The following PLXDC2 variants were observed in gnomAD, a reference collection of about 807,000 sequenced individuals.
PLXDC2 encodes plexin domain-containing protein 2.
PLXDC2 carries 40 observed loss-of-function variants against 68.9 expected under a neutral mutation model. The observed-to-expected ratio is 0.58, with a 90% CI of 0.45 to 0.76. PLXDC2 has a LOEUF of 0.76. Ranked by LOEUF, PLXDC2 falls within the 30% of genes least tolerant of loss-of-function variation. PLXDC2 has a pLI of 0.00. For synonymous variants in PLXDC2, 243 were observed against 234.2 expected (o/e 1.04, Z -0.34); for missense variants, 644 against 661.9 (o/e 0.97, Z 0.30).
rs576392930 is a variant in PLXDC2 at position 20,184,349 on chromosome 10, A to G, written c.1061+6940A>G. On this transcript the variant is annotated intron_variant, in intron 9 of 13. Coordinates refer to ENST00000377252, the MANE Select transcript of PLXDC2 (RefSeq NM_032812.9). ...GTTTTATGTGTATATAAAACATAAT[A>G]TATAAAAATTATATGTAATATATAA... 2.7e-5 allele frequency among the ~76,000 whole-genome samples: 4 copies of G among 148,344 alleles called. No individual in the cohort carries two copies. In the Admixed American group the frequency reaches 2.7e-4, roughly 10 times the overall value.
chr10:19,978,891 A>G (rs958720748), intron 1 of PLXDC2, among the ~76,000 whole-genome samples: 1 of 152,222 alleles, frequency 6.6e-6, no homozygotes, highest in Non-Finnish European at 1.5e-5. Context: ...GTAAGTTCTC[A>G]TAATTATTAT....
intron 2 of PLXDC2, among the ~76,000 whole-genome samples, chr10:20,040,767 C>A (rs1338797402): frequency 1.3e-5 from 2 of 152,084 alleles, no homozygotes; most frequent in African/African-American, 4.8e-5. Flanking sequence ...TTATGAACCT[C>A]ATGATTCTTC....
At chr10:20,217,085 C>CTTTGT (rs1564356971) in intron 10 of PLXDC2, among the ~76,000 whole-genome samples, 4 of 151,962 alleles carry the variant, frequency 2.6e-5, no homozygotes, top group Non-Finnish European at 4.4e-5. Context: ...ACCTGTTTTT[C>CTTTGT]TTCTAGTATA....
chr10:20,227,950 A>T (rs1392119848), intron 12 of PLXDC2, among the ~76,000 whole-genome samples: 1 of 152,180 alleles, frequency 6.6e-6, no homozygotes, highest in African/African-American at 2.4e-5. Flanking sequence ...AAGCTACATG[A>T]GCTAATATTT....
At chr10:20,260,442 T>C (rs939296060) in intron 13 of PLXDC2, among the ~76,000 whole-genome samples, 1 of 152,228 alleles carries the variant, frequency 6.6e-6, no homozygotes, top group African/African-American at 2.4e-5. Flanking sequence ...ATAGACATCA[T>C]GCAGTATCTT....
intron 4 of PLXDC2, among the ~76,000 whole-genome samples, chr10:20,069,242 C>A (rs76023980): frequency 0.018 from 2,747 of 152,176 alleles, 90 homozygotes; most frequent in African/African-American, 0.063. Flanking sequence ...CAACAAGTAA[C>A]TGGAAGTTTT....
At chr10:19,817,866 G>A (rs985060086) in intron 1 of PLXDC2, among the ~76,000 whole-genome samples, 1 of 152,202 alleles carries the variant, frequency 6.6e-6, no homozygotes, top group Non-Finnish European at 1.5e-5. Flanking sequence ...CGCGCAGAGA[G>A]TTCCTTGGAG....
intron 1 of PLXDC2, among the ~76,000 whole-genome samples, chr10:19,993,742 G>T (rs952787783): frequency 2.6e-5 from 4 of 152,142 alleles, no homozygotes; most frequent in African/African-American, 9.7e-5. Flanking sequence ...TGGATTGAGT[G>T]CCTGTTTAAT....
At chr10:20,193,843 T>A (rs1834801990) in intron 9 of PLXDC2, among the ~76,000 whole-genome samples, 1 of 152,108 alleles carries the variant, frequency 6.6e-6, no homozygotes, top group African/African-American at 2.4e-5. Flanking sequence ...ATGAGCTGCA[T>A]AACAGTCTAA....
chr10:20,266,203 A>G (rs2119373046), intron 13 of PLXDC2, among the ~76,000 whole-genome samples: 1 of 152,326 alleles, frequency 6.6e-6, no homozygotes, highest in African/African-American at 2.4e-5. Context: ...ACATAATGAC[A>G]TTTGAATATT....
At chr10:20,063,752 G>A (rs1233692099) in intron 3 of PLXDC2, among the ~76,000 whole-genome samples, 1 of 152,036 alleles carries the variant, frequency 6.6e-6, no homozygotes, top group Admixed American at 6.6e-5. Flanking sequence ...ATTGTAATGG[G>A]GTATGTTTTG....
chr10:19,957,106 T>G (rs1385419171), intron 1 of PLXDC2, among the ~76,000 whole-genome samples: 1 of 152,176 alleles, frequency 6.6e-6, no homozygotes, highest in Non-Finnish European at 1.5e-5. Flanking sequence ...AAAAAAGATT[T>G]ATATGCTTTA....
intron 9 of PLXDC2, among the ~76,000 whole-genome samples, chr10:20,192,863 C>T (rs773260590): frequency 3.3e-5 from 5 of 151,890 alleles, no homozygotes; most frequent in African/African-American, 4.8e-5. Context: ...GAAAACTTGA[C>T]GAAAAAGACT....
chr10:20,070,885 A>T (rs1836303950), intron 4 of PLXDC2: 1 of 152,144 alleles, frequency 6.6e-6, no homozygotes, highest in Non-Finnish European at 1.5e-5. Flanking sequence ...CTCCTAGCGG[A>T]ACTGGCAGGA....
At chr10:20,193,664 C>T (rs1196243330) in intron 9 of PLXDC2, among the ~76,000 whole-genome samples, 1 of 152,026 alleles carries the variant, frequency 6.6e-6, no homozygotes, top group Non-Finnish European at 1.5e-5. Flanking sequence ...AATTCTAAGT[C>T]AGTTTCAGGA....
intron 1 of PLXDC2, among the ~76,000 whole-genome samples, chr10:19,894,946 T>G (rs989442823): frequency 6.6e-6 from 1 of 152,338 alleles, no homozygotes; most frequent in African/African-American, 2.4e-5. Flanking sequence ...CAAAGGATTA[T>G]AAATCGTTCT....
chr10:19,976,808 T>C (rs1468741206), intron 1 of PLXDC2, among the ~76,000 whole-genome samples: 1 of 151,984 alleles, frequency 6.6e-6, no homozygotes, highest in Non-Finnish European at 1.5e-5. Context: ...TGGAATAATA[T>C]TTTCTGACTC....
chr10:20,185,394 A>G (rs1834668963), intron 9 of PLXDC2, among the ~76,000 whole-genome samples: 1 of 151,914 alleles, frequency 6.6e-6, no homozygotes, highest in Non-Finnish European at 1.5e-5. Context: ...TGTTCACCAC[A>G]GAGCCTAGCC....
chr10:20,058,736 G>A (rs1032785339), intron 3 of PLXDC2, among the ~76,000 whole-genome samples: 2 of 152,066 alleles, frequency 1.3e-5, no homozygotes, highest in Non-Finnish European at 2.9e-5. Context: ...GAGGATCATT[G>A]GTCAAGGATG....
Sources: allele counts gnomAD v4.1 joint callset (sites outside exome capture counted in the v4.1 genomes callset), GRCh38; gene constraint gnomAD v4.1.1; transcripts MANE v1.5; gene names NCBI Gene and HGNC (gene_info 2026-07-23, HGNC 2026-07-21).